TFEB: variants seen among roughly 807,000 people sequenced by gnomAD.
TFEB encodes the protein T-cell transcription factor EB.
TFEB carries 12 observed loss-of-function variants against 48.0 expected under a neutral mutation model. The observed-to-expected ratio is 0.25, with a 90% CI of 0.16 to 0.40. TFEB has a LOEUF of 0.40. Ranked by LOEUF, TFEB falls within the 10% of genes least tolerant of loss-of-function variation. The pLI, the probability that TFEB is intolerant of heterozygous loss-of-function variation, is 1.00. For missense variants in TFEB, 509 were observed against 640.3 expected, an observed-to-expected ratio of 0.79 and a Z score of 2.21; for synonymous variants, 244 against 261.4, an observed-to-expected ratio of 0.93 and a Z score of 0.64.
At chr6:41,705,423 A>G (rs1429874194) in intron 1 of TFEB, among the ~76,000 whole-genome samples, 1 of 152,110 alleles carries the variant, frequency 6.6e-6, no homozygotes, top group East Asian at 1.9e-4. Flanking sequence ...CTGGGGGGTA[A>G]TCAGCAGAGT....
At chr6:41,702,983 T>C (rs1770014430) in intron 1 of TFEB, among the ~76,000 whole-genome samples, 2 of 152,216 alleles carry the variant, frequency 1.3e-5, no homozygotes, top group South Asian at 4.1e-4. Flanking sequence ...TGTGGAGGGC[T>C]GGTCCGGTGG....
At chr6:41,725,742 G>C (rs1771177642) in intron 1 of TFEB, among the ~76,000 whole-genome samples, 1 of 152,104 alleles carries the variant, frequency 6.6e-6, no homozygotes, top group Non-Finnish European at 1.5e-5. Context: ...ATAGATGTCA[G>C]CAAACATACC....
chr6:41,688,130 TG>T, intron 4 of TFEB, 102 bp from the exon 5 acceptor site: 1 of 1,421,204 alleles, frequency 7.0e-7, no homozygotes, highest in African/African-American at 1.4e-5. Flanking sequence ...TGGGGACACC[TG>T]GAGTGTCAAA....
Position 41,730,748 on chromosome 6 carries a change from G to A in TFEB, c.-23+4602C>T, listed in dbSNP as rs1771416067. 1.3e-5 allele frequency among the ~76,000 whole-genome samples: 2 copies of A among 152,222 alleles called. No homozygotes were observed. Among genetic ancestry groups the A allele is most frequent in the South Asian group, 2.1e-4 (1 of 4,834 alleles). On this transcript the variant is annotated intron_variant, in intron 1 of 8. Coordinates refer to ENST00000373033, the MANE Select transcript of TFEB (RefSeq NM_001271944.2). The surrounding 1 kb of genome is among the most constrained non-coding windows in gnomAD (Gnocchi z 4.1). ...ACAGCCAAGGGGATCTGTATCTCTG[G>A]TGCAGTGTGGAGGAGGGACAGATGA... is the stretch of plus-strand genomic sequence containing the variant.
chr6:41,685,300 A>C (rs45445795), intron 8 of TFEB, among the ~76,000 whole-genome samples: 248 of 152,366 alleles, frequency 1.6e-3, no homozygotes, highest in African/African-American at 5.6e-3. Context: ...CACCGTAGTG[A>C]GTCTTGACCA....
chr6:41,695,658 C>T (rs1769538495), intron 1 of TFEB, among the ~76,000 whole-genome samples: 1 of 152,198 alleles, frequency 6.6e-6, no homozygotes, highest in Non-Finnish European at 1.5e-5. Context: ...TCCCAGCACC[C>T]CAAACTGTTC....
intron 6 of TFEB, 70 bp downstream of exon 6, chr6:41,687,683 G>A: frequency 6.2e-7 from 1 of 1,600,330 alleles, no homozygotes; most frequent in Non-Finnish European, 8.6e-7. Flanking sequence ...AGGTCAGGGA[G>A]TGGCTTTTTA....
In TFEB at chr6:41,734,323, G is replaced by T. The variant is rs1376235995; in HGVS notation, c.-23+1027C>A. 1 of 984,124 alleles carries T rather than the reference G, an allele frequency of 1.0e-6. No individual in the cohort carries two copies. Among genetic ancestry groups the T allele is most frequent in the African/African-American group, 1.8e-5 (1 of 57,126 alleles). 61.0% of individuals were successfully genotyped at this position (984,124 alleles called of 1,614,324 possible). A position where few individuals can be genotyped will look rare whatever the true frequency, so the allele number is the denominator to read the frequency against. Reference sequence around the variant, plus strand: ...CCCTCCCTTCCTCACCCGGGGCGCGGGGCTGGGGCGCGCCAGGCGGCTGCG... The same window carrying T: ...CCCTCCCTTCCTCACCCGGGGCGCGTGGCTGGGGCGCGCCAGGCGGCTGCG... On this transcript the variant is annotated intron_variant, in intron 1 of 8. Transcript: ENST00000373033. The surrounding 1 kb of genome is among the most constrained non-coding windows in gnomAD (Gnocchi z 4.0).
chr6:41,727,558 G>A (rs1455025983), intron 1 of TFEB, among the ~76,000 whole-genome samples: 1 of 152,130 alleles, frequency 6.6e-6, no homozygotes. Flanking sequence ...CAGGTGTAGT[G>A]GCACGTGCCT....
intron 1 of TFEB, chr6:41,732,742 G>A: frequency 1.0e-6 from 1 of 985,884 alleles, no homozygotes; most frequent in Non-Finnish European, 1.2e-6. Context: ...GATCCACACT[G>A]TACATGCATA....
At chr6:41,697,279 A>G (rs1188051705) in intron 1 of TFEB, among the ~76,000 whole-genome samples, 1 of 151,810 alleles carries the variant, frequency 6.6e-6, no homozygotes, top group African/African-American at 2.4e-5. Flanking sequence ...GTGGTGGCAC[A>G]TGCCTGTAGG....
rs145021964 is a variant in TFEB at position 41,719,519 on chromosome 6, G to A, written c.-23+15831C>T. Among the ~76,000 whole-genome samples the A allele has an allele frequency of 2.0e-4, 31 of 152,262 alleles. No individual in the cohort carries two copies. In the East Asian group the frequency reaches 5.2e-3, roughly 26 times the overall value. ...ACATCTTCAACAACCCTATTGAGAG[G>A]AGCAAGGAAGGGGTCAGTGCCCTGT... On this transcript the variant is annotated intron_variant, in intron 1 of 8. Coordinates refer to ENST00000373033, the MANE Select transcript of TFEB (RefSeq NM_001271944.2).
In TFEB at chr6:41,685,082, C is replaced by T; in HGVS notation, c.952-4G>A. The T allele has an allele frequency of 7.0e-7, 1 of 1,435,914 alleles. No homozygotes were observed. The highest frequency in any genetic ancestry group is 9.2e-7 in the Non-Finnish European group (1 of 1,091,128). 88.9% of individuals were successfully genotyped at this position (1,435,914 alleles called of 1,614,324 possible). ...CTCGAGCCTGCATCTCCAGCTCCTG[C>T]AGGGGAGCAGACAGAAGGCTGGGGA... On this transcript the variant is annotated splice_region_variant and splice_polypyrimidine_tract_variant and intron_variant, in intron 8 of 8. Coordinates refer to ENST00000373033, the MANE Select transcript of TFEB (RefSeq NM_001271944.2).
rs376611224 is a variant in TFEB at position 41,718,315 on chromosome 6, C to T, written c.-23+17035G>A. Among the ~76,000 whole-genome samples, 6 of 152,096 alleles carry T rather than the reference C, an allele frequency of 3.9e-5. No homozygotes were observed. In the East Asian group the frequency reaches 7.7e-4, roughly 20 times the overall value. On this transcript the variant is annotated intron_variant, in intron 1 of 8. Transcript: ENST00000373033. ...CCTCAACCTCCCAGGCTCAATTGAT[C>T]GTCCCACCTCAGCCTCTCCCATAGC...
chr6:41,690,796 T>C lies in TFEB; in HGVS notation c.335A>G (p.Gln112Arg). ...GGCTGGTGGGGGTTTCGGAGAGCCC[T>C]GGGCTGGGCTGATGTGGGCAGCAAA... ...NKFAAHISPA[Q>R]GSPKPPPAAS... Residue 112 changes from glutamine (Q) to arginine (R), a missense_variant, in exon 3 of 9, where the codon CAG becomes CGG. Physicochemically the swap from Gln to Arg is conservative, Grantham distance 43. Transcript: ENST00000373033. The C allele has an allele frequency of 6.2e-7, 1 of 1,612,852 alleles. No homozygotes were observed. The highest frequency in any genetic ancestry group is 1.7e-4 in the Middle Eastern group (1 of 6,058).
At chr6:41,704,076 C>T (rs375645719) in intron 1 of TFEB, among the ~76,000 whole-genome samples, 2 of 152,118 alleles carry the variant, frequency 1.3e-5, no homozygotes, top group South Asian at 2.1e-4. Context: ...CACCAGCCTC[C>T]CCTCAGCTCT....
At chr6:41,709,842 A>G (rs1379785923) in intron 1 of TFEB, among the ~76,000 whole-genome samples, 2 of 152,278 alleles carry the variant, frequency 1.3e-5, no homozygotes, top group Non-Finnish European at 2.9e-5. Flanking sequence ...GCTGGAGTGC[A>G]GTGGCGCAAC....
intron 1 of TFEB, chr6:41,732,565 T>G (rs1771498383): frequency 7.1e-6 from 7 of 985,700 alleles, no homozygotes; most frequent in Non-Finnish European, 8.4e-6. Flanking sequence ...CTACCCACAT[T>G]CCTAGACACT....
intron 1 of TFEB, among the ~76,000 whole-genome samples, chr6:41,698,399 G>A (rs527503472): frequency 3.9e-5 from 6 of 152,140 alleles, no homozygotes; most frequent in South Asian, 2.1e-4. Context: ...GGCTGATCTC[G>A]TTCATCCAGC....
Sources: gnomAD v4.1 joint callset for allele counts (sites outside exome capture counted in the v4.1 genomes callset) on GRCh38, gnomAD v4.1.1 for gene constraint, Gnocchi (gnomAD v3.1) non-coding constraint, MANE v1.5 for transcripts, NCBI Gene and HGNC (gene_info 2026-07-23, HGNC 2026-07-21) for gene names.